The following RAB30 variants were observed in gnomAD, a reference collection of about 807,000 sequenced individuals.
The protein encoded by RAB30 is RAB30, member RAS oncogene family, also known as ras-related protein Rab-30.
A neutral mutation model predicts 25.1 loss-of-function variants in RAB30; 9 were observed. The ratio of observed to expected loss-of-function variants is 0.36; its 90% CI spans 0.22 to 0.63. The LOEUF is 0.63. Among genes scored for constraint, RAB30 ranks in the 20% least tolerant of loss-of-function variants. The probability of loss-of-function intolerance (pLI) is 0.69; values close to 1 mark genes in which losing one functional copy is unlikely to be tolerated. For missense variants in RAB30, 140 were observed against 243.5 expected (o/e 0.58, Z 2.83); for synonymous variants, 77 against 86.4 (o/e 0.89, Z 0.60).
chr11:83,032,414 A>G (rs1857886809), intron 1 of RAB30, among the ~76,000 whole-genome samples: 1 of 152,242 alleles, frequency 6.6e-6, no homozygotes, highest in African/African-American at 2.4e-5. Flanking sequence ...AGGGGGTATG[A>G]TTTCAGGGCA....
chr11:83,001,034 G>A (rs1352993668), intron 1 of RAB30, among the ~76,000 whole-genome samples: 3 of 106,304 alleles, frequency 2.8e-5, no homozygotes, highest in African/African-American at 3.8e-5. Flanking sequence ...GCGACAGAAC[G>A]AGACTCCGTC....
chr11:83,029,181 C>T (rs1261828465), intron 1 of RAB30, among the ~76,000 whole-genome samples: 3 of 152,140 alleles, frequency 2.0e-5, no homozygotes, highest in Non-Finnish European at 4.4e-5. Flanking sequence ...AAGAGACAGA[C>T]ACATTGAAGA....
At chr11:83,066,292 G>A (rs1484668159) in intron 1 of RAB30, among the ~76,000 whole-genome samples, 1 of 152,194 alleles carries the variant, frequency 6.6e-6, no homozygotes, top group Non-Finnish European at 1.5e-5. Context: ...AGATAAAAGT[G>A]AGGAGGCATT....
At chr11:82,982,756 G>A (rs1856665780) in intron 4 of RAB30, among the ~76,000 whole-genome samples, 1 of 152,132 alleles carries the variant, frequency 6.6e-6, no homozygotes, top group Admixed American at 6.5e-5. Context: ...CAGCTACTTG[G>A]GAGGCTGAGG....
chr11:83,012,223 C>T (rs1194260465), intron 1 of RAB30, among the ~76,000 whole-genome samples: 2 of 152,186 alleles, frequency 1.3e-5, no homozygotes, highest in Non-Finnish European at 2.9e-5. Context: ...CACTCAGAGG[C>T]AAGAAGAAAT....
chr11:83,001,003 C>T (rs375882205), intron 1 of RAB30, among the ~76,000 whole-genome samples: 3 of 141,672 alleles, frequency 2.1e-5, no homozygotes, highest in African/African-American at 2.6e-5. Context: ...GCTGAGATCG[C>T]GCCACAGCAC....
At chr11:83,045,368 C>CCCTCCTGCCTT (rs1858213067) in intron 1 of RAB30, among the ~76,000 whole-genome samples, 1 of 152,050 alleles carries the variant, frequency 6.6e-6, no homozygotes, top group Non-Finnish European at 1.5e-5. Flanking sequence ...TGAGCTAAAA[C>CCCTCCTGCCTT]GACCCTCCTG....
intron 3 of RAB30, among the ~76,000 whole-genome samples, chr11:82,992,536 CAAAG>C (rs1377638275): frequency 1.3e-5 from 2 of 152,090 alleles, no homozygotes; most frequent in African/African-American, 2.4e-5. Flanking sequence ...CCAAGGCACT[CAAAG>C]GAAGGAGAGC....
rs1045502390 is a variant in RAB30, at chr11:82,974,631, C to T, written c.*7534G>A. On this transcript the variant is annotated 3_prime_UTR_variant, in exon 5 of 5. Coordinates refer to ENST00000527633, the MANE Select transcript of RAB30 (RefSeq NM_001286060.2). ...TATCAAGAATCGAGTTCATAAAACTCAGTGATTAACCTGTTTATTAGTTAA... is the reference window on the plus strand; with the variant it reads ...TATCAAGAATCGAGTTCATAAAACTTAGTGATTAACCTGTTTATTAGTTAA... 4 of 152,048 alleles carry T rather than the reference C, an allele frequency of 2.6e-5. No homozygotes were observed. Among genetic ancestry groups the T allele is most frequent in the African/African-American group, 9.7e-5 (4 of 41,406 alleles). The allele number at this position is 152,048 out of a possible 1,614,324, so 9.4% of individuals were successfully genotyped here.
intron 3 of RAB30, among the ~76,000 whole-genome samples, chr11:82,992,989 G>A (rs1396458122): frequency 3.3e-5 from 5 of 152,166 alleles, no homozygotes; most frequent in South Asian, 2.1e-4. Flanking sequence ...GATTATAGGC[G>A]TGAGCCACTG....
At chr11:83,043,310 T>C (rs541853059) in intron 1 of RAB30, among the ~76,000 whole-genome samples, 1 of 152,292 alleles carries the variant, frequency 6.6e-6, no homozygotes, top group African/African-American at 2.4e-5. Flanking sequence ...AGCCAGCTCC[T>C]AGTCAGTCCA....
In RAB30 at chr11:82,997,141, A is replaced by C. The variant is rs891903155; in HGVS notation, c.93+83T>G. Reference sequence around the variant, plus strand: ...ACCCTGGCATTGAAACTGGTCATCCATCTCGACAGATTCCCCCAACCCCTC... The same window carrying C: ...ACCCTGGCATTGAAACTGGTCATCCCTCTCGACAGATTCCCCCAACCCCTC... On this transcript the variant is annotated intron_variant, in intron 2 of 4. Coordinates refer to ENST00000527633, the MANE Select transcript of RAB30 (RefSeq NM_001286060.2). 12 of 1,158,516 alleles carry C rather than the reference A, an allele frequency of 1.0e-5. No individual in the cohort carries two copies. The Admixed American group carries it at 1.7e-4, about 16-fold the overall frequency. The allele number at this position is 1,158,516 out of a possible 1,614,324, so 71.8% of individuals were successfully genotyped here. A position where few individuals can be genotyped will look rare whatever the true frequency, so the allele number is the denominator to read the frequency against.
At chr11:82,998,211 C>A (rs1857000286) in intron 1 of RAB30, among the ~76,000 whole-genome samples, 1 of 152,148 alleles carries the variant, frequency 6.6e-6, no homozygotes, top group Admixed American at 6.5e-5. Flanking sequence ...CAGAGTTACT[C>A]TTTTAAATGT....
chr11:83,015,103 T>C (rs985201861), intron 1 of RAB30, among the ~76,000 whole-genome samples: 3 of 152,194 alleles, frequency 2.0e-5, no homozygotes, highest in Non-Finnish European at 4.4e-5. Flanking sequence ...CTGAGTTCAA[T>C]GTAAGGCCAC....
At chr11:83,012,606 A>G (rs1461602036) in intron 1 of RAB30, among the ~76,000 whole-genome samples, 1 of 152,190 alleles carries the variant, frequency 6.6e-6, no homozygotes. Flanking sequence ...ATTTATTTAC[A>G]AATAGGGATA....
intron 1 of RAB30, among the ~76,000 whole-genome samples, chr11:83,025,320 T>G (rs1036007111): frequency 1.3e-5 from 2 of 152,186 alleles, no homozygotes; most frequent in African/African-American, 2.4e-5. Flanking sequence ...AAACAACACA[T>G]CTCTGACTGA....
intron 1 of RAB30, among the ~76,000 whole-genome samples, chr11:83,061,365 T>G (rs1858572611): frequency 6.6e-6 from 1 of 152,194 alleles, no homozygotes; most frequent in South Asian, 2.1e-4. Context: ...CTGTATTGGG[T>G]AAGTAGTCTT....
intron 1 of RAB30, among the ~76,000 whole-genome samples, chr11:83,054,563 C>A (rs1858418239): frequency 6.6e-6 from 1 of 151,854 alleles, no homozygotes; most frequent in Non-Finnish European, 1.5e-5. Context: ...ACAACAACAA[C>A]AAAAAAGAAA....
At chr11:82,984,822 C>A (rs1013258869) in intron 4 of RAB30, among the ~76,000 whole-genome samples, 2 of 152,106 alleles carry the variant, frequency 1.3e-5, no homozygotes, top group Non-Finnish European at 2.9e-5. Context: ...GTGGCTGGAA[C>A]ACTTGTCATA....
Sources: allele counts gnomAD v4.1 joint callset (sites outside exome capture counted in the v4.1 genomes callset), GRCh38; gene constraint gnomAD v4.1.1; transcripts MANE v1.5; gene names NCBI Gene and HGNC (gene_info 2026-07-23, HGNC 2026-07-21).